PCDH11Y: variants seen among roughly 807,000 people sequenced by gnomAD.
The protein encoded by PCDH11Y is protocadherin 11 Y-linked.
For missense variants in PCDH11Y, 12 were observed against 224.8 expected, an observed-to-expected ratio of 0.05 and a Z score of 6.05; for synonymous variants, 9 against 83.6, an observed-to-expected ratio of 0.11 and a Z score of 4.87.
At chrY:5,337,123 A>G in intron 2 of PCDH11Y, among the ~76,000 whole-genome samples, 1 of 33,284 alleles carries the variant, frequency 3.0e-5, no homozygotes, top group Non-Finnish European at 7.4e-5. Flanking sequence ...TCATTTTAAA[A>G]TTATTCACTT....
chrY:5,151,625 T>C (rs1602876958), intron 2 of PCDH11Y, among the ~76,000 whole-genome samples: 87 of 31,033 alleles, frequency 2.8e-3, no homozygotes, highest in Non-Finnish European at 3.9e-3. Flanking sequence ...TTATCTGTAC[T>C]ACCAATGGCA....
At chrY:5,630,225 G>T in intron 4 of PCDH11Y, among the ~76,000 whole-genome samples, 2 of 33,447 alleles carry the variant, frequency 6.0e-5, no homozygotes, top group African/African-American at 2.3e-4. Flanking sequence ...GAAAAGGATG[G>T]CCTGTAGAAA....
intron 2 of PCDH11Y, among the ~76,000 whole-genome samples, chrY:5,414,626 T>C: frequency 3.0e-5 from 1 of 33,179 alleles, no homozygotes; most frequent in African/African-American, 1.2e-4. Context: ...TTAATTTAGA[T>C]GTAAGAAGAC....
chrY:5,344,750 C>T (rs2053150251), intron 2 of PCDH11Y, among the ~76,000 whole-genome samples: 1 of 32,678 alleles, frequency 3.1e-5, no homozygotes, highest in Non-Finnish European at 7.5e-5. Flanking sequence ...CTCACTGCAA[C>T]CTCCGCCTCC....
intron 3 of PCDH11Y, among the ~76,000 whole-genome samples, chrY:5,047,890 ATTTAC>A (rs2052645681): frequency 4.2e-5 from 1 of 24,058 alleles, no homozygotes; most frequent in African/African-American, 1.6e-4. Flanking sequence ...TGGGAAAAAT[ATTTAC>A]TTTATTTCTT....
At chrY:5,594,288 T>C in intron 4 of PCDH11Y, among the ~76,000 whole-genome samples, 1 of 32,917 alleles carries the variant, frequency 3.0e-5, no homozygotes, top group African/African-American at 1.2e-4. Context: ...CTGTTCTCTG[T>C]TCCTGGTTTC....
chrY:5,318,713 ATG>A (rs760151133), intron 2 of PCDH11Y, among the ~76,000 whole-genome samples: 148 of 24,262 alleles, frequency 6.1e-3, no homozygotes, highest in African/African-American at 0.012. Context: ...AAAAAGTAAT[ATG>A]TGTGTGTGTG....
In PCDH11Y at chrY:5,598,743, T is replaced by C. The variant is rs2124699272; in HGVS notation, c.3352+16945T>C. Reference sequence around the variant, plus strand: ...AACATTTCTTCTAGAAAAGAACATCTTGTAGTTCTCGAAACTCATTTTTTT... The same window carrying C: ...AACATTTCTTCTAGAAAAGAACATCCTGTAGTTCTCGAAACTCATTTTTTT... On this transcript the variant is annotated intron_variant, in intron 4 of 4. Transcript: ENST00000400457. Among the ~76,000 whole-genome samples, 7 of 33,746 alleles carry C rather than the reference T, an allele frequency of 2.1e-4. No individual in the cohort carries two copies. The South Asian group carries it at 4.5e-3, about 22-fold the overall frequency. 90.5% of individuals were successfully genotyped at this position (33,746 alleles called of 37,273 possible). A position where few individuals can be genotyped will look rare whatever the true frequency, so the allele number is the denominator to read the frequency against.
At chrY:5,456,544 G>A in intron 2 of PCDH11Y, among the ~76,000 whole-genome samples, 1 of 33,823 alleles carries the variant, frequency 3.0e-5, no homozygotes, top group Non-Finnish European at 7.3e-5. Flanking sequence ...TTGCACTGCT[G>A]TTCACAATGG....
chrY:5,616,791 T>C (rs2053494220), intron 4 of PCDH11Y, among the ~76,000 whole-genome samples: 1 of 32,876 alleles, frequency 3.0e-5, no homozygotes, highest in Non-Finnish European at 7.5e-5. Context: ...TAAATGTAAG[T>C]GACTATTTTT....
intron 2 of PCDH11Y, among the ~76,000 whole-genome samples, chrY:5,324,858 G>T: frequency 3.1e-4 from 10 of 32,545 alleles, no homozygotes. Flanking sequence ...TTTCACCTGG[G>T]TGCAGGTGGG....
intron 2 of PCDH11Y, among the ~76,000 whole-genome samples, chrY:5,320,482 G>A (rs2053111455): frequency 3.0e-5 from 1 of 33,329 alleles, no homozygotes; most frequent in African/African-American, 1.2e-4. Context: ...GTTCCAAGAC[G>A]AAGAGAATCA....
intron 2 of PCDH11Y, among the ~76,000 whole-genome samples, chrY:5,408,818 A>G (rs2124678087): frequency 2.9e-5 from 1 of 34,036 alleles, no homozygotes; most frequent in South Asian, 6.4e-4. Flanking sequence ...CTTTTATTCC[A>G]ATCTATCTTA....
chrY:5,326,355 G>C (rs2053120435), intron 2 of PCDH11Y, among the ~76,000 whole-genome samples: 2 of 32,328 alleles, frequency 6.2e-5, no homozygotes, highest in South Asian at 7.2e-4. Flanking sequence ...AGGGAAGGGA[G>C]GGGGCCTGAA....
At chrY:5,562,676 G>A in intron 3 of PCDH11Y, among the ~76,000 whole-genome samples, 1 of 26,923 alleles carries the variant, frequency 3.7e-5, no homozygotes. Context: ...CAGGAGAATG[G>A]CGTGAACCCG....
intron 2 of PCDH11Y, among the ~76,000 whole-genome samples, chrY:5,406,137 T>G: frequency 3.4e-5 from 1 of 29,495 alleles, no homozygotes; most frequent in Non-Finnish European, 8.0e-5. Flanking sequence ...ATGTAAAGAC[T>G]CTGTCTCAAA....
At chrY:5,096,512 A>T in intron 1 of PCDH11Y, among the ~76,000 whole-genome samples, 1 of 25,153 alleles carries the variant, frequency 4.0e-5, no homozygotes, top group Non-Finnish European at 9.1e-5. Context: ...AGGAATCTTA[A>T]AGTCCTCCTC....
chrY:5,557,703 A>G, intron 3 of PCDH11Y, among the ~76,000 whole-genome samples: 1 of 32,450 alleles, frequency 3.1e-5, no homozygotes, highest in Non-Finnish European at 7.6e-5. Flanking sequence ...AGCTCTTCCA[A>G]TACTATGTTG....
At position 5,493,371 on chromosome Y, in the gene PCDH11Y, G is replaced by A; in HGVS notation, c.3130-7686G>A. 2.4e-4 allele frequency among the ~76,000 whole-genome samples: 8 copies of A among 33,152 alleles called. No individual in the cohort carries two copies. In the Middle Eastern group the frequency reaches 0.12, roughly 480 times the overall value. The allele number at this position is 33,152 out of a possible 37,273, so 88.9% of individuals were successfully genotyped here. On this transcript the variant is annotated intron_variant, in intron 2 of 4. Coordinates refer to the PCDH11Y transcript ENST00000400457. ...ATAAAGGAGTGACACCAGAGATGAA[G>A]CAGTGTTCAAACCAAACTTGTGGCT...
Sources: allele counts gnomAD v4.1 joint callset (sites outside exome capture counted in the v4.1 genomes callset), GRCh38; gene constraint gnomAD v4.1.1; transcripts MANE v1.5; gene names NCBI Gene and HGNC (gene_info 2026-07-23, HGNC 2026-07-21).